DLG2: variants seen among roughly 807,000 people sequenced by gnomAD.
DLG2 encodes the protein discs large MAGUK scaffold protein 2.
DLG2 carries 45 observed loss-of-function variants against 132.5 expected under a neutral mutation model. The observed-to-expected ratio is 0.34, with a 90% CI of 0.27 to 0.44. The LOEUF (loss-of-function observed/expected upper bound fraction) is 0.44, where lower values mean the gene tolerates loss of function less well. Ranked by LOEUF, DLG2 falls within the 20% of genes least tolerant of loss-of-function variation. The pLI, the probability that DLG2 is intolerant of heterozygous loss-of-function variation, is 1.00. For missense variants in DLG2, 1,045 were observed against 1,196.9 expected (o/e 0.87, Z 1.87); for synonymous variants, 424 against 419.6 (o/e 1.01, Z -0.13).
chr11:84,778,784 C>G lies in DLG2; in HGVS notation c.358-244053G>C, dbSNP rs569205261. 4.6e-5 allele frequency among the ~76,000 whole-genome samples: 7 copies of G among 152,254 alleles called. No homozygotes were observed. In the East Asian group the frequency reaches 1.4e-3, roughly 29 times the overall value. On this transcript the variant is annotated intron_variant, in intron 6 of 27. Coordinates refer to ENST00000376104, the MANE Select transcript of DLG2 (RefSeq NM_001142699.3). ...GTCAGTGAACTGAGAGAGGAAGACTCACCCTCAAGAAGACCCACTCCCATT... is the reference window on the plus strand; with the variant it reads ...GTCAGTGAACTGAGAGAGGAAGACTGACCCTCAAGAAGACCCACTCCCATT...
At chr11:83,864,852 A>G (rs1211453689) in intron 16 of DLG2, among the ~76,000 whole-genome samples, 1 of 152,164 alleles carries the variant, frequency 6.6e-6, no homozygotes, top group Non-Finnish European at 1.5e-5. Flanking sequence ...ATATAAAGAT[A>G]GATGTCTCAA....
intron 21 of DLG2, among the ~76,000 whole-genome samples, chr11:83,492,906 C>T (rs568820111): frequency 6.6e-6 from 1 of 152,170 alleles, no homozygotes; most frequent in African/African-American, 2.4e-5. Flanking sequence ...CTTACAGCAG[C>T]CAGGGTGATC....
chr11:84,323,778 A>C (rs1018997579), intron 7 of DLG2, among the ~76,000 whole-genome samples: 9 of 130,296 alleles, frequency 6.9e-5, no homozygotes, highest in Non-Finnish European at 9.3e-5. Context: ...GTGATACCTC[A>C]TTGTGATTTA....
chr11:84,107,590 A>T (rs2093055124), intron 9 of DLG2, among the ~76,000 whole-genome samples: 1 of 152,128 alleles, frequency 6.6e-6, no homozygotes, highest in Admixed American at 6.6e-5. Context: ...AACATTAGAA[A>T]AAATAAGTTC....
At chr11:84,332,999 T>C (rs2098468051) in intron 7 of DLG2, among the ~76,000 whole-genome samples, 1 of 152,184 alleles carries the variant, frequency 6.6e-6, no homozygotes, top group African/African-American at 2.4e-5. Flanking sequence ...AGTGGATGAG[T>C]AGGAGCTTTA....
intron 13 of DLG2, among the ~76,000 whole-genome samples, chr11:83,964,511 AC>A (rs2089724106): frequency 6.6e-6 from 1 of 151,990 alleles, no homozygotes; most frequent in Non-Finnish European, 1.5e-5. Flanking sequence ...AGTTCTGAAG[AC>A]GTTCCAAGTT....
At chr11:83,584,175 T>TA (rs1415687036) in intron 19 of DLG2, among the ~76,000 whole-genome samples, 1 of 152,174 alleles carries the variant, frequency 6.6e-6, no homozygotes, top group Non-Finnish European at 1.5e-5. Context: ...CTTGTCTGAG[T>TA]ATTAGAGTCA....
At chr11:84,586,656 T>C (rs749578664) in intron 6 of DLG2, among the ~76,000 whole-genome samples, 2 of 152,168 alleles carry the variant, frequency 1.3e-5, no homozygotes, top group South Asian at 2.1e-4. Flanking sequence ...TTATTTTTTG[T>C]TTTTGTCATA....
At chr11:85,174,264 A>T (rs1338489359) in intron 4 of DLG2, among the ~76,000 whole-genome samples, 1 of 152,204 alleles carries the variant, frequency 6.6e-6, no homozygotes, top group East Asian at 1.9e-4. Context: ...AAATAATAAC[A>T]AACAGCCTTT....
intron 3 of DLG2, among the ~76,000 whole-genome samples, chr11:85,426,214 G>C (rs1446234359): frequency 6.6e-6 from 1 of 152,110 alleles, no homozygotes; most frequent in Non-Finnish European, 1.5e-5. Flanking sequence ...TCTGGGGGCA[G>C]GGCACAGCCA....
At chr11:83,764,635 G>C (rs2094062242) in intron 18 of DLG2, among the ~76,000 whole-genome samples, 1 of 152,124 alleles carries the variant, frequency 6.6e-6, no homozygotes, top group Admixed American at 6.5e-5. Flanking sequence ...TTATAACATA[G>C]CTACTATTAT....
At chr11:84,452,625 T>C (rs139818658) in intron 7 of DLG2, among the ~76,000 whole-genome samples, 1 of 151,908 alleles carries the variant, frequency 6.6e-6, no homozygotes, top group African/African-American at 2.4e-5. Flanking sequence ...GATTGTATGC[T>C]ACACTGAATG....
chr11:84,443,017 C>A (rs1035912715), intron 7 of DLG2, among the ~76,000 whole-genome samples: 1 of 151,842 alleles, frequency 6.6e-6, no homozygotes, highest in African/African-American at 2.4e-5. Context: ...ATTTCTGCAC[C>A]GAAGAAATAC....
chr11:84,388,486 T>A (rs961394723), intron 7 of DLG2, among the ~76,000 whole-genome samples: 1 of 152,112 alleles, frequency 6.6e-6, no homozygotes, highest in Non-Finnish European at 1.5e-5. Flanking sequence ...ATGGGCTGTT[T>A]TCTGGAATTG....
At chr11:84,535,249 A>G (rs1178133881) in intron 6 of DLG2, among the ~76,000 whole-genome samples, 1 of 152,218 alleles carries the variant, frequency 6.6e-6, no homozygotes, top group African/African-American at 2.4e-5. Context: ...TTTGTATTAG[A>G]CTCAAAGAGA....
At chr11:84,271,760 A>C (rs1246647600) in intron 7 of DLG2, among the ~76,000 whole-genome samples, 1 of 152,098 alleles carries the variant, frequency 6.6e-6, no homozygotes, top group Non-Finnish European at 1.5e-5. Context: ...TCCTATTCAC[A>C]TTTACCCCAA....
chr11:84,883,294 C>T (rs772965672), intron 6 of DLG2, among the ~76,000 whole-genome samples: 1 of 151,682 alleles, frequency 6.6e-6, no homozygotes, highest in Non-Finnish European at 1.5e-5. Flanking sequence ...GAACCTCATA[C>T]ACTGGGGCCT....
At chr11:84,950,718 C>G (rs544964569) in intron 6 of DLG2, among the ~76,000 whole-genome samples, 1 of 151,124 alleles carries the variant, frequency 6.6e-6, no homozygotes, top group Non-Finnish European at 1.5e-5. Context: ...AGCACACACA[C>G]GCACGTGCAT....
chr11:84,809,039 C>T (rs2076284284), intron 6 of DLG2, among the ~76,000 whole-genome samples: 1 of 151,904 alleles, frequency 6.6e-6, no homozygotes, highest in African/African-American at 2.4e-5. Flanking sequence ...ACCCACAAAT[C>T]CCTTAAAATT....
Sources: gnomAD v4.1 joint callset for allele counts (sites outside exome capture counted in the v4.1 genomes callset) on GRCh38, gnomAD v4.1.1 for gene constraint, MANE v1.5 for transcripts, NCBI Gene and HGNC (gene_info 2026-07-23, HGNC 2026-07-21) for gene names.